DAPK1: variants seen among roughly 807,000 people sequenced by gnomAD.
DAPK1 encodes the protein death-associated protein kinase 1.
Under a neutral mutation model 144.9 loss-of-function variants are expected in DAPK1, and 56 were observed. The observed-to-expected ratio is 0.39, with a 90% CI of 0.31 to 0.48. The LOEUF is 0.48. DAPK1 is among the 20% of genes least tolerant of loss of function. The probability of loss-of-function intolerance (pLI) is 0.95; values close to 1 mark genes in which losing one functional copy is unlikely to be tolerated. For missense variants in DAPK1, 1,454 were observed against 1,875.4 expected, an observed-to-expected ratio of 0.78 and a Z score of 4.15; for synonymous variants, 690 against 749.0, an observed-to-expected ratio of 0.92 and a Z score of 1.29.
intron 2 of DAPK1, among the ~76,000 whole-genome samples, chr9:87,509,942 G>T (rs1276216374): frequency 6.6e-6 from 1 of 152,186 alleles, no homozygotes; most frequent in African/African-American, 2.4e-5. Context: ...CGGCCAGGCC[G>T]CTTTTGCCCT....
chr9:87,612,925 G>T (rs534494160), intron 3 of DAPK1, among the ~76,000 whole-genome samples: 65 of 152,286 alleles, frequency 4.3e-4, no homozygotes, highest in Admixed American at 1.4e-3. Flanking sequence ...GAATTATAAA[G>T]TAAAAGTGCT....
chr9:87,539,144 A>G (rs117649112), intron 2 of DAPK1, among the ~76,000 whole-genome samples: 1,675 of 151,770 alleles, frequency 0.011, 12 homozygotes, highest in Non-Finnish European at 0.015. Flanking sequence ...TGCTACATAT[A>G]TCTTATATAC....
intron 20 of DAPK1, among the ~76,000 whole-genome samples, chr9:87,684,817 C>T (rs1319060451): frequency 1.3e-5 from 2 of 152,208 alleles, no homozygotes; most frequent in African/African-American, 4.8e-5. Context: ...CCTGGGATTT[C>T]GGTGCTTCCC....
At chr9:87,632,940 A>T in intron 3 of DAPK1, 1 of 943,390 alleles carries the variant, frequency 1.1e-6, no homozygotes, top group Non-Finnish European at 1.3e-6. Context: ...GGTGATCAGT[A>T]TATACGTAGG....
chr9:87,609,107 C>G (rs1192655693), intron 3 of DAPK1, among the ~76,000 whole-genome samples: 2 of 151,232 alleles, frequency 1.3e-5, no homozygotes, highest in Non-Finnish European at 2.9e-5. Context: ...AGTAGGAGAC[C>G]ATTTTTCCTG....
chr9:87,586,993 GAGA>G (rs1827959494), intron 2 of DAPK1, among the ~76,000 whole-genome samples: 1 of 152,342 alleles, frequency 6.6e-6, no homozygotes, highest in South Asian at 2.1e-4. Flanking sequence ...TTGCTGAGAG[GAGA>G]AGATGTAGAA....
At chr9:87,581,575 G>T (rs188034110) in intron 2 of DAPK1, among the ~76,000 whole-genome samples, 1 of 152,178 alleles carries the variant, frequency 6.6e-6, no homozygotes, top group African/African-American at 2.4e-5. Flanking sequence ...TCAGCTGTTT[G>T]TGTGTAGTTG....
intron 17 of DAPK1, among the ~76,000 whole-genome samples, chr9:87,652,785 G>T (rs1260640107): frequency 2.6e-4 from 39 of 148,342 alleles, no homozygotes; most frequent in Non-Finnish European, 4.6e-4. Flanking sequence ...TCCTGATTCT[G>T]TGTCCTCCCA....
Position 87,706,737 on chromosome 9 carries a change from C to T in DAPK1, c.3666C>T (p.Val1222=). The T allele has an allele frequency of 6.2e-7, 1 of 1,613,354 alleles. No homozygotes were observed. Among genetic ancestry groups the T allele is most frequent in the Non-Finnish European group, 8.5e-7 (1 of 1,179,820 alleles). Residue 1222 remains valine (V), a synonymous_variant, in exon 26 of 26, where the codon GTC becomes GTT. Coordinates refer to ENST00000408954, the MANE Select transcript of DAPK1 (RefSeq NM_004938.4). This position sits in a 1 kb window ranked among gnomAD's most constrained non-coding sequence, Gnocchi z 9.0. ...CGGTGTGCAGCACCATTGAGAACGT[C>T]ATGGCCACCACGCTGCCAGGGCTCC... is the stretch of plus-strand genomic sequence containing the variant. ...LDSVCSTIEN[V]MATTLPGLLT...
intron 3 of DAPK1, among the ~76,000 whole-genome samples, chr9:87,621,457 TGCAGTAA>T (rs1391392928): frequency 6.6e-6 from 1 of 152,258 alleles, no homozygotes; most frequent in Non-Finnish European, 1.5e-5. Flanking sequence ...TGTAGCCATC[TGCAGTAA>T]GCATTTCTGC....
chr9:87,565,820 A>C (rs767019383), intron 2 of DAPK1, among the ~76,000 whole-genome samples: 1 of 152,006 alleles, frequency 6.6e-6, no homozygotes, highest in Non-Finnish European at 1.5e-5. Context: ...TATCTTTACC[A>C]TATGGCAGGC....
chr9:87,605,104 C>A lies in DAPK1; in HGVS notation c.213C>A (p.Ile71=), dbSNP rs1162922578. The part of the protein sequence containing the change: ...IEREVSILKE[I]QHPNVITLHE... ...GGGAGGTCAGCATCCTGAAGGAGAT[C>A]CAGCACCCCAATGTCATCACCCTGC... The change falls in exon 3 of 26, where the codon ATC becomes ATA. Residue 71 remains isoleucine, a synonymous_variant. Coordinates refer to ENST00000408954, the MANE Select transcript of DAPK1 (RefSeq NM_004938.4). The A allele has an allele frequency of 1.2e-6, 2 of 1,614,058 alleles. No individual in the cohort carries two copies. Among genetic ancestry groups the A allele is most frequent in the Admixed American group, 1.7e-5 (1 of 60,008 alleles).
intron 2 of DAPK1, among the ~76,000 whole-genome samples, chr9:87,570,878 TCA>T (rs1423992443): frequency 6.6e-6 from 1 of 152,154 alleles, no homozygotes; most frequent in Non-Finnish European, 1.5e-5. Flanking sequence ...TGTCATATGC[TCA>T]GTTTGCTTCC....
intron 2 of DAPK1, among the ~76,000 whole-genome samples, chr9:87,562,110 G>A (rs1826949012): frequency 6.6e-6 from 1 of 152,184 alleles, no homozygotes; most frequent in South Asian, 2.1e-4. Context: ...GAGGGAAGGG[G>A]GTTGTGCAGG....
intron 2 of DAPK1, among the ~76,000 whole-genome samples, chr9:87,569,120 C>T (rs1224283944): frequency 1.3e-5 from 2 of 152,168 alleles, no homozygotes; most frequent in Non-Finnish European, 2.9e-5. Context: ...GGGAATCCCT[C>T]TGAACTTTAA....
At chr9:87,528,871 C>CA (rs34492541) in intron 2 of DAPK1, among the ~76,000 whole-genome samples, 15,365 of 104,756 alleles carry the variant, frequency 0.15, 1,098 homozygotes, top group South Asian at 0.17. Flanking sequence ...GACTCCATCT[C>CA]AAAAAAAAAA....
intron 2 of DAPK1, among the ~76,000 whole-genome samples, chr9:87,522,603 A>C (rs1271612088): frequency 6.6e-6 from 1 of 152,246 alleles, no homozygotes; most frequent in Non-Finnish European, 1.5e-5. Context: ...GCAATTCTGC[A>C]ATGATTGCTG....
chr9:87,507,519 A>G (rs1220477633), intron 2 of DAPK1, among the ~76,000 whole-genome samples: 1 of 152,166 alleles, frequency 6.6e-6, no homozygotes, highest in Non-Finnish European at 1.5e-5. Context: ...CGGGGCTTTT[A>G]CCTTATGTAC....
chr9:87,514,645 G>A lies in DAPK1; in HGVS notation c.62+15506G>A, dbSNP rs1298341136. On this transcript the variant is annotated intron_variant, in intron 2 of 25. Coordinates refer to ENST00000408954, the MANE Select transcript of DAPK1 (RefSeq NM_004938.4). ...GACATGAATGAATGATGGAAGGAGG[G>A]TTCGCATTAATTGTTGGATTGAACA... Among the ~76,000 whole-genome samples the A allele has an allele frequency of 2.0e-5, 3 of 152,328 alleles. No homozygotes were observed. In the East Asian group the frequency reaches 5.8e-4, roughly 29 times the overall value.
Sources: gnomAD v4.1 joint callset for allele counts (sites outside exome capture counted in the v4.1 genomes callset) on GRCh38, gnomAD v4.1.1 for gene constraint, Gnocchi (gnomAD v3.1) non-coding constraint, MANE v1.5 for transcripts, NCBI Gene and HGNC (gene_info 2026-07-23, HGNC 2026-07-21) for gene names.